ZFPM2: variants seen among roughly 807,000 people sequenced by gnomAD.
ZFPM2 encodes zinc finger protein, FOG family member 2.
ZFPM2 carries 20 observed loss-of-function variants against 98.6 expected under a neutral mutation model. That is an observed-to-expected ratio of 0.20 (90% confidence interval 0.14 to 0.29). The LOEUF is 0.29. Among genes scored for constraint, ZFPM2 ranks in the 10% least tolerant of loss-of-function variants. The pLI is 1.00. For synonymous variants in ZFPM2, 518 were observed against 502.7 expected (o/e 1.03, Z -0.41); for missense variants, 1,310 against 1,388.6 (o/e 0.94, Z 0.90).
chr8:105,326,003 T>C (rs1277106986), intron 1 of ZFPM2, among the ~76,000 whole-genome samples: 1 of 151,738 alleles, frequency 6.6e-6, no homozygotes, highest in East Asian at 1.9e-4. Flanking sequence ...TTAGAAAGTA[T>C]CTTTGAGGAC....
chr8:105,727,353 GATAA>G (rs750262216), intron 5 of ZFPM2, among the ~76,000 whole-genome samples: 10 of 151,024 alleles, frequency 6.6e-5, no homozygotes, highest in Non-Finnish European at 1.3e-4. Flanking sequence ...TACAGACATA[GATAA>G]ATAAATAAAT....
intron 3 of ZFPM2, among the ~76,000 whole-genome samples, chr8:105,481,667 A>G (rs886077338): frequency 6.6e-6 from 1 of 152,174 alleles, no homozygotes; most frequent in African/African-American, 2.4e-5. Context: ...GCAACCACCA[A>G]TGGGTCTGTT....
At chr8:105,768,236 A>C (rs779014432) in intron 5 of ZFPM2, among the ~76,000 whole-genome samples, 9 of 152,066 alleles carry the variant, frequency 5.9e-5, no homozygotes, top group Non-Finnish European at 1.2e-4. Context: ...GTATTATCCA[A>C]AAAATAAAAT....
At chr8:105,473,315 T>A (rs1812945397) in intron 3 of ZFPM2, among the ~76,000 whole-genome samples, 1 of 152,208 alleles carries the variant, frequency 6.6e-6, no homozygotes, top group Non-Finnish European at 1.5e-5. Flanking sequence ...ATTCATTTAG[T>A]AAGTAATAAG....
intron 1 of ZFPM2, among the ~76,000 whole-genome samples, chr8:105,372,322 G>A (rs764522084): frequency 2.0e-4 from 31 of 152,050 alleles, no homozygotes; most frequent in African/African-American, 2.4e-4. Context: ...GATTACAGGC[G>A]TGAGCCACCG....
intron 6 of ZFPM2, among the ~76,000 whole-genome samples, chr8:105,796,303 G>T (rs1162013400): frequency 2.5e-5 from 3 of 119,282 alleles, no homozygotes; most frequent in Non-Finnish European, 4.9e-5. Flanking sequence ...AGTGGAGAGT[G>T]TACTCTATTT....
chr8:105,327,921 A>G (rs1487624257), intron 1 of ZFPM2, among the ~76,000 whole-genome samples: 4 of 151,772 alleles, frequency 2.6e-5, no homozygotes, highest in Non-Finnish European at 5.9e-5. Context: ...AGTAAATGCC[A>G]TGGACTGGTA....
Position 105,469,900 on chromosome 8 carries a change from G to C in ZFPM2, c.301+25519G>C, listed in dbSNP as rs1413148969. Among the ~76,000 whole-genome samples the C allele has an allele frequency of 2.0e-5, 3 of 152,256 alleles. No homozygotes were observed. The East Asian group carries it at 5.8e-4, about 29-fold the overall frequency. ...TCGTTCATATAAAGGGCATAACAAA[G>C]TGCCTGGCACAGAGTAAATGCTCAA... On this transcript the variant is annotated intron_variant, in intron 3 of 7. Transcript: ENST00000407775.
chr8:105,460,462 A>C (rs1812683511), intron 3 of ZFPM2, among the ~76,000 whole-genome samples: 1 of 152,166 alleles, frequency 6.6e-6, no homozygotes, highest in Non-Finnish European at 1.5e-5. Context: ...GGAAACATCC[A>C]ACAGGTGGAA....
At chr8:105,652,083 G>T (rs1050565808) in intron 5 of ZFPM2, among the ~76,000 whole-genome samples, 1 of 151,770 alleles carries the variant, frequency 6.6e-6, no homozygotes, top group Non-Finnish European at 1.5e-5. Flanking sequence ...CACAGGGTTT[G>T]GTTCGACATC....
intron 5 of ZFPM2, among the ~76,000 whole-genome samples, chr8:105,708,942 T>A (rs555945699): frequency 6.6e-6 from 1 of 152,346 alleles, no homozygotes; most frequent in South Asian, 2.1e-4. Flanking sequence ...CGAACTCTTT[T>A]CATAGAGCAC....
chr8:105,529,492 C>A (rs529553796), intron 3 of ZFPM2, among the ~76,000 whole-genome samples: 1 of 151,734 alleles, frequency 6.6e-6, no homozygotes, highest in Non-Finnish European at 1.5e-5. Context: ...CTGAGTAACA[C>A]GGAATATGTT....
chr8:105,326,355 G>A (rs1013102310), intron 1 of ZFPM2, among the ~76,000 whole-genome samples: 1 of 151,654 alleles, frequency 6.6e-6, no homozygotes, highest in Non-Finnish European at 1.5e-5. Context: ...ATGCCGGAGA[G>A]TAAAAGCTAG....
intron 3 of ZFPM2, among the ~76,000 whole-genome samples, chr8:105,476,086 T>TG (rs1813006944): frequency 6.6e-6 from 1 of 152,224 alleles, no homozygotes; most frequent in African/African-American, 2.4e-5. Context: ...ATATTTATCC[T>TG]GAATAATGCC....
chr8:105,566,762 A>G (rs561250138), intron 4 of ZFPM2, among the ~76,000 whole-genome samples: 2 of 152,340 alleles, frequency 1.3e-5, no homozygotes, highest in East Asian at 3.9e-4. Flanking sequence ...TTAATTAAAT[A>G]GAAAGCCCCA....
chr8:105,521,132 TACACACACAC>T (rs10532108), intron 3 of ZFPM2, among the ~76,000 whole-genome samples: 3 of 148,518 alleles, frequency 2.0e-5, no homozygotes, highest in Admixed American at 6.7e-5. Context: ...TATATATATA[TACACACACAC>T]ACACACACAC....
intron 4 of ZFPM2, among the ~76,000 whole-genome samples, chr8:105,628,334 C>T (rs75129031): frequency 0.019 from 2,819 of 152,298 alleles, 39 homozygotes; most frequent in Middle Eastern, 0.048. Context: ...GGAATTATTA[C>T]AGTCACCATT....
chr8:105,718,405 T>C (rs1439567759), intron 5 of ZFPM2, among the ~76,000 whole-genome samples: 1 of 151,982 alleles, frequency 6.6e-6, no homozygotes, highest in Non-Finnish European at 1.5e-5. Flanking sequence ...TTAGCGTATG[T>C]CCATTTTCAA....
chr8:105,385,738 T>C (rs1810975446), intron 1 of ZFPM2, among the ~76,000 whole-genome samples: 1 of 152,340 alleles, frequency 6.6e-6, no homozygotes, highest in Non-Finnish European at 1.5e-5. Context: ...AGCAGTAATG[T>C]CATTCCTTCA....
Sources: allele counts gnomAD v4.1 joint callset (sites outside exome capture counted in the v4.1 genomes callset), GRCh38; gene constraint gnomAD v4.1.1; transcripts MANE v1.5; gene names NCBI Gene and HGNC (gene_info 2026-07-23, HGNC 2026-07-21).